SNX6: variants seen among roughly 807,000 people sequenced by gnomAD.
The protein encoded by SNX6 is sorting nexin 6.
A neutral mutation model predicts 63.0 loss-of-function variants in SNX6; 34 were observed. The ratio of observed to expected loss-of-function variants is 0.54; its 90% CI spans 0.41 to 0.72. SNX6 has a LOEUF of 0.72. Ranked by LOEUF, SNX6 falls within the 30% of genes least tolerant of loss-of-function variation. The pLI, the probability that SNX6 is intolerant of heterozygous loss-of-function variation, is 0.00. For synonymous variants in SNX6, 170 were observed against 164.2 expected (o/e 1.04, Z -0.27); for missense variants, 398 against 471.4 (o/e 0.84, Z 1.44).
intron 2 of SNX6, among the ~76,000 whole-genome samples, chr14:34,627,771 T>A (rs1217644883): frequency 6.6e-6 from 1 of 152,016 alleles, no homozygotes; most frequent in African/African-American, 2.4e-5. Flanking sequence ...ATTACAGGCG[T>A]GAGCCACCGT....
rs1046162856 is a variant in SNX6 at position 34,563,006 on chromosome 14, C to T, written c.*116G>A. 4 of 1,075,414 alleles carry T rather than the reference C, an allele frequency of 3.7e-6. No individual in the cohort carries two copies. Among genetic ancestry groups the T allele is most frequent in the Non-Finnish European group, 4.2e-6 (3 of 719,170 alleles). 66.6% of individuals were successfully genotyped at this position (1,075,414 alleles called of 1,614,324 possible). A position where few individuals can be genotyped will look rare whatever the true frequency, so the allele number is the denominator to read the frequency against. On this transcript the variant is annotated 3_prime_UTR_variant, in exon 14 of 14. Transcript: ENST00000362031. ...TCTCAGAAAAAGAGGAGTTGATGCA[C>T]TTTTTCAGCTGCTTTTTGTTTGTTT...
intron 5 of SNX6, 143 bp downstream of exon 5, chr14:34,605,453 T>C (rs1190756109): frequency 9.9e-6 from 6 of 603,480 alleles, no homozygotes; most frequent in Admixed American, 3.3e-5. Context: ...TTAATACTGG[T>C]TGTATGACTT....
At chr14:34,626,685 A>G (rs1407430913) in intron 2 of SNX6, among the ~76,000 whole-genome samples, 2 of 151,832 alleles carry the variant, frequency 1.3e-5, no homozygotes, top group African/African-American at 2.4e-5. Flanking sequence ...AAAAAAAGAG[A>G]AAGTTTCTGG....
chr14:34,562,887 A>C lies in SNX6; in HGVS notation c.*235T>G, dbSNP rs1214888265. ...AATGAACTTTGGACTTCTGAGTATG[A>C]CGAGTGCACGATGATGGACCACTGT... On this transcript the variant is annotated 3_prime_UTR_variant, in exon 14 of 14. Transcript: ENST00000362031. 6 of 506,728 alleles carry C rather than the reference A, an allele frequency of 1.2e-5. No homozygotes were observed. Among genetic ancestry groups the C allele is most frequent in the African/African-American group, 2.0e-5 (1 of 51,066 alleles). 31.4% of individuals were successfully genotyped at this position (506,728 alleles called of 1,614,324 possible). A position where few individuals can be genotyped will look rare whatever the true frequency, so the allele number is the denominator to read the frequency against.
intron 2 of SNX6, among the ~76,000 whole-genome samples, chr14:34,616,511 A>C (rs967707088): frequency 1.3e-5 from 2 of 152,056 alleles, no homozygotes; most frequent in Non-Finnish European, 2.9e-5. Context: ...CTGGGACTAC[A>C]GGCACACATC....
chr14:34,590,901 G>T (rs184232351), intron 8 of SNX6, among the ~76,000 whole-genome samples: 1 of 152,210 alleles, frequency 6.6e-6, no homozygotes, highest in East Asian at 1.9e-4. Context: ...AAAAAGAAAT[G>T]AACTATCGAT....
At chr14:34,579,068 C>A (rs1445695886) in intron 10 of SNX6, among the ~76,000 whole-genome samples, 1 of 150,072 alleles carries the variant, frequency 6.7e-6, no homozygotes, top group Non-Finnish European at 1.5e-5. Context: ...TGCTCATACT[C>A]ATTCTTGTGG....
At chr14:34,572,842 G>A (rs558941524) in intron 11 of SNX6, among the ~76,000 whole-genome samples, 1 of 151,934 alleles carries the variant, frequency 6.6e-6, no homozygotes, top group East Asian at 1.9e-4. Context: ...CAGCATGCCC[G>A]GCTAATTTTT....
chr14:34,598,108 C>G (rs1218673781), intron 6 of SNX6, among the ~76,000 whole-genome samples: 3 of 152,112 alleles, frequency 2.0e-5, no homozygotes, highest in Non-Finnish European at 4.4e-5. Flanking sequence ...CTGAACTCAT[C>G]CAAGTATCTC....
In SNX6 at chr14:34,590,588, A is replaced by G. The variant is rs115558609; in HGVS notation, c.718+2457T>C. On this transcript the variant is annotated intron_variant, in intron 8 of 13. Transcript: ENST00000362031. ...AAAGACTTCAAATTCCACTGGGGAA[A>G]AAAAAAAGACTGACTATCCTTGTTG... Among the ~76,000 whole-genome samples, 1,221 of 152,260 alleles carry G rather than the reference A, an allele frequency of 8.0e-3. 13 individuals are homozygous for G. Among genetic ancestry groups the G allele is most frequent in the African/African-American group, 0.028 (1,168 of 41,554 alleles).
intron 10 of SNX6, among the ~76,000 whole-genome samples, chr14:34,580,585 C>CA (rs1881895676): frequency 6.6e-6 from 1 of 152,144 alleles, no homozygotes; most frequent in Non-Finnish European, 1.5e-5. Context: ...GGGCGTGACC[C>CA]ACCTGGCCTG....
chr14:34,613,376 T>C (rs1409641788), intron 2 of SNX6, among the ~76,000 whole-genome samples: 2 of 152,246 alleles, frequency 1.3e-5, no homozygotes, highest in Non-Finnish European at 2.9e-5. Context: ...CACAGGAAAC[T>C]AGTTCATTTA....
chr14:34,563,515 C>T (rs537379994), intron 13 of SNX6, among the ~76,000 whole-genome samples: 109 of 149,972 alleles, frequency 7.3e-4, no homozygotes, highest in African/African-American at 2.3e-3. Flanking sequence ...GCAGAGATCG[C>T]GCCACTGCAC....
chr14:34,613,365 C>G (rs935134246), intron 2 of SNX6, among the ~76,000 whole-genome samples: 1 of 152,206 alleles, frequency 6.6e-6, no homozygotes, highest in African/African-American at 2.4e-5. Context: ...GTTACAGCAG[C>G]CACAGGAAAC....
intron 9 of SNX6, among the ~76,000 whole-genome samples, chr14:34,584,407 T>C (rs1882065694): frequency 6.6e-6 from 1 of 151,490 alleles, no homozygotes; most frequent in South Asian, 2.1e-4. Context: ...GTTCAAGTGA[T>C]TCTCACGCCT....
At chr14:34,611,494 G>T (rs1010979903) in intron 2 of SNX6, among the ~76,000 whole-genome samples, 3 of 150,108 alleles carry the variant, frequency 2.0e-5, no homozygotes, top group East Asian at 4.0e-4. Flanking sequence ...AAAAAAAAAA[G>T]GGGGGGAGGC....
chr14:34,565,757 T>C (rs1881153109), intron 13 of SNX6, among the ~76,000 whole-genome samples: 1 of 151,832 alleles, frequency 6.6e-6, no homozygotes, highest in Admixed American at 6.6e-5. Context: ...TGACGCAATC[T>C]TGGCTCACTG....
chr14:34,576,025 G>C (rs1041472556), intron 10 of SNX6, among the ~76,000 whole-genome samples, 183 bp from the exon 11 acceptor site: 9 of 151,220 alleles, frequency 6.0e-5, no homozygotes, highest in African/African-American at 1.7e-4. Context: ...CTGGGTTCAC[G>C]CCATTCTCCT....
intron 10 of SNX6, among the ~76,000 whole-genome samples, chr14:34,580,438 A>T (rs1319935209): frequency 6.7e-6 from 1 of 149,956 alleles, no homozygotes; most frequent in Admixed American, 6.7e-5. Context: ...AGTAGTTAGG[A>T]CTACAGTTGT....
Sources: allele counts gnomAD v4.1 joint callset (sites outside exome capture counted in the v4.1 genomes callset), GRCh38; gene constraint gnomAD v4.1.1; transcripts MANE v1.5; gene names NCBI Gene and HGNC (gene_info 2026-07-23, HGNC 2026-07-21).